Variants in GRIK2 observed in about 807,000 individuals in gnomAD.
GRIK2 encodes glutamate receptor ionotropic, kainate 2.
In GRIK2, 32 loss-of-function variants were observed where a neutral mutation model predicts 100.3. That is an observed-to-expected ratio of 0.32 (90% CI 0.24 to 0.43). The LOEUF (loss-of-function observed/expected upper bound fraction) is 0.43. GRIK2 is among the 20% of genes least tolerant of loss of function. GRIK2 has a pLI of 1.00. For missense variants in GRIK2, 843 were observed against 1,114.9 expected (o/e 0.76, Z 3.47); for synonymous variants, 417 against 389.4 (o/e 1.07, Z -0.83).
At chr6:101,893,324 G>A (rs1787228362) in intron 12 of GRIK2, among the ~76,000 whole-genome samples, 1 of 151,444 alleles carries the variant, frequency 6.6e-6, no homozygotes, top group Admixed American at 6.6e-5. Context: ...TATTTTCATT[G>A]AAGGTCACAG....
intron 11 of GRIK2, among the ~76,000 whole-genome samples, chr6:101,864,537 T>G (rs1052498810): frequency 6.6e-6 from 1 of 152,216 alleles, no homozygotes; most frequent in African/African-American, 2.4e-5. Flanking sequence ...TAATGGGTTT[T>G]CAAATCAGAT....
intron 11 of GRIK2, among the ~76,000 whole-genome samples, chr6:101,881,900 C>T (rs1183135858): frequency 6.6e-6 from 1 of 151,898 alleles, no homozygotes; most frequent in East Asian, 1.9e-4. Flanking sequence ...TCCATTTTCA[C>T]GCTGTTGATA....
At chr6:101,398,350 A>G (rs1211199761) in intron 1 of GRIK2, among the ~76,000 whole-genome samples, 5 of 152,218 alleles carry the variant, frequency 3.3e-5, no homozygotes, top group African/African-American at 1.2e-4. Flanking sequence ...TTCTCCCATA[A>G]AAGTTCACTG....
chr6:102,011,577 C>CTTTTTTTTT (rs763369559), intron 14 of GRIK2, among the ~76,000 whole-genome samples: 41 of 76,646 alleles, frequency 5.3e-4, no homozygotes, highest in African/African-American at 9.8e-4. Context: ...CTTTCTTTTC[C>CTTTTTTTTT]TTTTTTTTTT....
chr6:101,851,572 T>C (rs1374602507), intron 10 of GRIK2, among the ~76,000 whole-genome samples: 4 of 152,036 alleles, frequency 2.6e-5, no homozygotes, highest in Non-Finnish European at 4.4e-5. Flanking sequence ...GTTTAATAGA[T>C]GTTATTTTTA....
chr6:101,885,427 C>A (rs1323139698), intron 11 of GRIK2, among the ~76,000 whole-genome samples: 1 of 151,998 alleles, frequency 6.6e-6, no homozygotes, highest in Non-Finnish European at 1.5e-5. Context: ...ATTGTTAAGT[C>A]ATCTTTGGAG....
intron 12 of GRIK2, among the ~76,000 whole-genome samples, chr6:101,899,704 A>G (rs1027850179): frequency 6.6e-6 from 1 of 152,168 alleles, no homozygotes; most frequent in African/African-American, 2.4e-5. Context: ...TATTAAATGG[A>G]TAAACTTAAT....
Position 101,646,219 on chromosome 6 carries a change from T to C in GRIK2, c.541+19582T>C, listed in dbSNP as rs79922500. ...AATGCACATTTGGGGAGTGAACTAA[T>C]AGATAAATACTATACAGTTCAGAGT... On this transcript the variant is annotated intron_variant, in intron 4 of 16. Transcript: ENST00000369134. Among the ~76,000 whole-genome samples, 457 of 152,010 alleles carry C rather than the reference T, an allele frequency of 3.0e-3. 4 individuals are homozygous for C. The highest frequency in any genetic ancestry group is 0.011 in the African/African-American group (438 of 41,542).
intron 7 of GRIK2, among the ~76,000 whole-genome samples, chr6:101,721,294 C>T (rs1378547551): frequency 6.6e-6 from 1 of 151,990 alleles, no homozygotes; most frequent in Non-Finnish European, 1.5e-5. Flanking sequence ...GGTGACTCAG[C>T]CTGCAATCCC....
rs1013840322 is a variant in GRIK2, at chr6:101,645,300, T to C, written c.541+18663T>C. Among the ~76,000 whole-genome samples the C allele has an allele frequency of 3.3e-5, 5 of 152,042 alleles. No individual in the cohort carries two copies. The South Asian group carries it at 1.0e-3, about 31-fold the overall frequency. ...CAATTATTTACTTAATTGTGACAGATGTTTACTCTGCTAAAGGTATATGCT... is the reference window on the plus strand; with the variant it reads ...CAATTATTTACTTAATTGTGACAGACGTTTACTCTGCTAAAGGTATATGCT... On this transcript the variant is annotated intron_variant, in intron 4 of 16. Coordinates refer to ENST00000369134, the MANE Select transcript of GRIK2 (RefSeq NM_021956.5).
rs975587363 is a variant in GRIK2 at position 101,396,254 on chromosome 6, C to T, written c.-294+2417C>T. On this transcript the variant is annotated intron_variant, in intron 1 of 16. Transcript: ENST00000369134. ...GTAAATTTAGCATTCCCCCCCCCCC[C>T]AGGAAGTGAGTGAGTTTAATGTGAA... is the stretch of plus-strand genomic sequence containing the variant. Among the ~76,000 whole-genome samples the T allele has an allele frequency of 2.8e-3, 410 of 147,896 alleles. 2 individuals are homozygous for T. The highest frequency in any genetic ancestry group is 9.5e-3 in the African/African-American group (383 of 40,154).
intron 2 of GRIK2, among the ~76,000 whole-genome samples, chr6:101,404,708 T>C (rs1478672147): frequency 6.6e-6 from 1 of 152,238 alleles, no homozygotes; most frequent in Non-Finnish European, 1.5e-5. Flanking sequence ...TAAGTGTTGA[T>C]TGTTTTTCAT....
chr6:101,882,604 A>G (rs1232384400), intron 11 of GRIK2, among the ~76,000 whole-genome samples: 3 of 151,836 alleles, frequency 2.0e-5, no homozygotes, highest in Non-Finnish European at 4.4e-5. Flanking sequence ...TACAAGTGTG[A>G]GGGAAATCTC....
intron 7 of GRIK2, among the ~76,000 whole-genome samples, chr6:101,795,860 A>G (rs962712730): frequency 2.0e-5 from 3 of 152,212 alleles, no homozygotes; most frequent in African/African-American, 7.2e-5. Context: ...GGACAGGGCA[A>G]TCTCCATGCC....
At chr6:101,468,500 A>C (rs536302042) in intron 2 of GRIK2, among the ~76,000 whole-genome samples, 1 of 152,266 alleles carries the variant, frequency 6.6e-6, no homozygotes, top group South Asian at 2.1e-4. Flanking sequence ...TACAATGGAA[A>C]TTCCAGGCAG....
Position 101,442,835 on chromosome 6 carries a change from G to A in GRIK2, c.115+43443G>A, listed in dbSNP as rs115409474. ...TAGGCAGATTTGTTCTGAGGGTGGC[G>A]GTTTTTGCTCCGTCTGGACTGTTTT... On this transcript the variant is annotated intron_variant, in intron 2 of 16. Coordinates refer to ENST00000369134, the MANE Select transcript of GRIK2 (RefSeq NM_021956.5). Among the ~76,000 whole-genome samples, 913 of 152,186 alleles carry A rather than the reference G, an allele frequency of 6.0e-3. 8 individuals are homozygous for A. The highest frequency in any genetic ancestry group is 0.021 in the African/African-American group (874 of 41,534).
chr6:101,633,995 T>C (rs1780890377), intron 4 of GRIK2, among the ~76,000 whole-genome samples: 2 of 152,148 alleles, frequency 1.3e-5, no homozygotes, highest in Admixed American at 6.6e-5. Context: ...TGGGGGTTTT[T>C]TTTGGCTCTT....
At chr6:101,975,093 G>A (rs1052642834) in intron 14 of GRIK2, among the ~76,000 whole-genome samples, 3 of 151,930 alleles carry the variant, frequency 2.0e-5, no homozygotes, top group Non-Finnish European at 4.4e-5. Flanking sequence ...AGTCAAGGAT[G>A]ATTTTTTGAT....
At chr6:101,723,750 A>G (rs1214561145) in intron 7 of GRIK2, among the ~76,000 whole-genome samples, 1 of 152,030 alleles carries the variant, frequency 6.6e-6, no homozygotes, top group African/African-American at 2.4e-5. Flanking sequence ...GACTAAATAG[A>G]TACACATTCA....
Sources: gnomAD v4.1 joint callset for allele counts (sites outside exome capture counted in the v4.1 genomes callset) on GRCh38, gnomAD v4.1.1 for gene constraint, MANE v1.5 for transcripts, NCBI Gene and HGNC (gene_info 2026-07-23, HGNC 2026-07-21) for gene names.